The following TCF12 variants were observed in gnomAD, a reference collection of about 807,000 sequenced individuals.
TCF12 encodes transcription factor 12.
TCF12 carries 45 observed loss-of-function variants against 86.0 expected under a neutral mutation model. The observed-to-expected ratio is 0.52, with a 90% CI of 0.41 to 0.67. The LOEUF (loss-of-function observed/expected upper bound fraction) is 0.67, where lower values mean the gene tolerates loss of function less well. Among genes scored for constraint, TCF12 ranks in the 30% least tolerant of loss-of-function variants. The pLI is 0.00. For missense variants in TCF12, 881 were observed against 859.9 expected, an observed-to-expected ratio of 1.02 and a Z score of -0.31; for synonymous variants, 330 against 299.6, an observed-to-expected ratio of 1.10 and a Z score of -1.05.
intron 3 of TCF12, among the ~76,000 whole-genome samples, chr15:57,036,858 G>A (rs1305985498): frequency 1.3e-5 from 2 of 151,984 alleles, no homozygotes; most frequent in South Asian, 2.1e-4. Flanking sequence ...CTCTCAGAAG[G>A]ACTTTTAAGG....
At chr15:56,944,495 A>C (rs1371920281) in intron 3 of TCF12, among the ~76,000 whole-genome samples, 1 of 152,140 alleles carries the variant, frequency 6.6e-6, no homozygotes, top group Non-Finnish European at 1.5e-5. Context: ...AAAATAAGTC[A>C]CTTAGTGGCC....
chr15:56,947,270 T>G (rs1029686294), intron 3 of TCF12, among the ~76,000 whole-genome samples: 1 of 152,130 alleles, frequency 6.6e-6, no homozygotes, highest in Non-Finnish European at 1.5e-5. Flanking sequence ...ACTCTGGTTG[T>G]TTTTCGCCTG....
At chr15:57,189,617 C>T (rs2056875253) in intron 6 of TCF12, among the ~76,000 whole-genome samples, 1 of 152,160 alleles carries the variant, frequency 6.6e-6, no homozygotes, top group South Asian at 2.1e-4. Context: ...GAAATTGGAA[C>T]CCTTGCACAT....
intron 5 of TCF12, among the ~76,000 whole-genome samples, chr15:57,140,804 A>G (rs1475496470): frequency 6.6e-6 from 1 of 152,222 alleles, no homozygotes; most frequent in Non-Finnish European, 1.5e-5. Flanking sequence ...TTGCAAACCC[A>G]GGTCTATCTT....
At chr15:57,181,450 C>T (rs1233409787) in intron 6 of TCF12, among the ~76,000 whole-genome samples, 1 of 148,614 alleles carries the variant, frequency 6.7e-6, no homozygotes, top group Non-Finnish European at 1.5e-5. Flanking sequence ...TGAATCGCCT[C>T]CTAGCTTACT....
intron 6 of TCF12, among the ~76,000 whole-genome samples, chr15:57,185,109 G>T (rs1035197803): frequency 6.6e-6 from 1 of 151,986 alleles, no homozygotes; most frequent in Non-Finnish European, 1.5e-5. Flanking sequence ...ACATTATATT[G>T]CCTGGTAATT....
chr15:57,115,322 A>G (rs1254873717), intron 5 of TCF12, among the ~76,000 whole-genome samples: 1 of 152,204 alleles, frequency 6.6e-6, no homozygotes, highest in African/African-American at 2.4e-5. Flanking sequence ...TTTAGTCCTG[A>G]TGTTAGCTTC....
Position 57,219,622 on chromosome 15 carries a change from CACTT to C in TCF12, c.580-11529_580-11526del, listed in dbSNP as rs780276916. On this transcript the variant is annotated intron_variant, in intron 8 of 20. Transcript: ENST00000333725. ...CTTTTTCTTTGTATAGCTTCTAACT[CACTT>C]GTTTAAAGGAAAGCAGTATACATTA... The C allele has an allele frequency of 3.1e-6, 5 of 1,601,308 alleles. No homozygotes were observed. The South Asian group carries it at 3.3e-5, about 11-fold the overall frequency.
At chr15:57,045,416 C>G (rs2067168510) in intron 3 of TCF12, among the ~76,000 whole-genome samples, 1 of 152,136 alleles carries the variant, frequency 6.6e-6, no homozygotes, top group Non-Finnish European at 1.5e-5. Flanking sequence ...CTTTGTGCAG[C>G]CTGACTGACT....
At chr15:57,180,493 TTC>T (rs1280220985) in intron 6 of TCF12, among the ~76,000 whole-genome samples, 1 of 152,216 alleles carries the variant, frequency 6.6e-6, no homozygotes, top group Non-Finnish European at 1.5e-5. Flanking sequence ...AGTTTATGTA[TTC>T]TGTTATAATT....
intron 3 of TCF12, among the ~76,000 whole-genome samples, chr15:56,972,770 G>A (rs987605036): frequency 8.5e-5 from 13 of 152,064 alleles, no homozygotes; most frequent in Admixed American, 2.6e-4. Flanking sequence ...AAAAATCACA[G>A]AGAAGAATCA....
chr15:57,046,832 T>C (rs1452246179), intron 3 of TCF12, among the ~76,000 whole-genome samples: 1 of 152,212 alleles, frequency 6.6e-6, no homozygotes, highest in Non-Finnish European at 1.5e-5. Context: ...TCGATAAATA[T>C]CTTCCTCTGA....
At position 57,165,163 on chromosome 15, in the gene TCF12, T is replaced by C. The variant is rs74376467; in HGVS notation, c.326-1239T>C. ...GTGTGTGTGTGTGTGTGTGTGTGTGTGCGTACACGAGATGTGCAAGGATAT... is the reference window on the plus strand; with the variant it reads ...GTGTGTGTGTGTGTGTGTGTGTGTGCGCGTACACGAGATGTGCAAGGATAT... On this transcript the variant is annotated intron_variant, in intron 5 of 20. Transcript: ENST00000333725. Among the ~76,000 whole-genome samples, 728 of 149,392 alleles carry C rather than the reference T, an allele frequency of 4.9e-3. 5 individuals are homozygous for C. The highest frequency in any genetic ancestry group is 0.016 in the African/African-American group (648 of 39,892).
intron 19 of TCF12, chr15:57,278,424 A>G (rs1470371606): frequency 1.3e-5 from 2 of 152,206 alleles, no homozygotes; most frequent in Non-Finnish European, 2.9e-5. Context: ...CTCTTGGAGC[A>G]TTCAGTGGTG....
intron 5 of TCF12, among the ~76,000 whole-genome samples, chr15:57,123,672 C>T (rs879314082): frequency 1.1e-4 from 16 of 151,844 alleles, no homozygotes; most frequent in Non-Finnish European, 1.5e-4. Context: ...AGTTTTAAGG[C>T]CGGGTGCAGT....
At position 57,097,927 on chromosome 15, in the gene TCF12, A is replaced by G. The variant is rs1344943107; in HGVS notation, c.325+6036A>G. On this transcript the variant is annotated intron_variant, in intron 5 of 20. Coordinates refer to ENST00000333725, the MANE Select transcript of TCF12 (RefSeq NM_207037.2). The stretch of plus-strand genomic sequence containing the variant: ...TCCCAGCACTTTGAGAGGCTGAGGC[A>G]GGTGGATCACCTGAGTTCAGGAGTT... Among the ~76,000 whole-genome samples, 6 of 148,148 alleles carry G rather than the reference A, an allele frequency of 4.1e-5. 1 individual carries two copies. The South Asian group carries it at 1.1e-3, about 27-fold the overall frequency.
chr15:57,139,310 T>G (rs931944354), intron 5 of TCF12, among the ~76,000 whole-genome samples: 5 of 152,228 alleles, frequency 3.3e-5, no homozygotes, highest in African/African-American at 1.2e-4. Context: ...TTTATGGCTA[T>G]TAATTACATA....
At chr15:57,017,264 A>G (rs2065205557) in intron 3 of TCF12, among the ~76,000 whole-genome samples, 1 of 152,344 alleles carries the variant, frequency 6.6e-6, no homozygotes, top group South Asian at 2.1e-4. Flanking sequence ...AAAAATTTCA[A>G]AGGCATATAC....
At chr15:57,069,817 T>C (rs1344921245) in intron 4 of TCF12, among the ~76,000 whole-genome samples, 1 of 152,130 alleles carries the variant, frequency 6.6e-6, no homozygotes, top group Non-Finnish European at 1.5e-5. Flanking sequence ...AAGGTGAAAA[T>C]AGAAGAGGGT....
Sources: allele counts gnomAD v4.1 joint callset (sites outside exome capture counted in the v4.1 genomes callset), GRCh38; gene constraint gnomAD v4.1.1; transcripts MANE v1.5; gene names NCBI Gene and HGNC (gene_info 2026-07-23, HGNC 2026-07-21).